The following IFT88 variants were observed in gnomAD, a reference collection of about 807,000 sequenced individuals.
The protein encoded by IFT88 is intraflagellar transport 88, also known as intraflagellar transport protein 88 homolog.
A neutral mutation model predicts 119.5 loss-of-function variants in IFT88; 74 were observed. The observed-to-expected ratio is 0.62, with a 90% CI of 0.51 to 0.75. The LOEUF (loss-of-function observed/expected upper bound fraction) is 0.75, where lower values mean the gene tolerates loss of function less well. IFT88 is among the 30% of genes least tolerant of loss of function. IFT88 has a pLI of 0.00. For synonymous variants in IFT88, 279 were observed against 316.7 expected (o/e 0.88, Z 1.26); for missense variants, 961 against 977.7 (o/e 0.98, Z 0.23).
At position 20,641,463 on chromosome 13, in the gene IFT88, A is replaced by T. The variant is rs554397102; in HGVS notation, c.1682+65A>T. The T allele has an allele frequency of 2.2e-5, 21 of 959,130 alleles. No homozygotes were observed. In the African/African-American group the frequency reaches 3.2e-4, roughly 15 times the overall value. The allele number at this position is 959,130 out of a possible 1,614,324, so 59.4% of individuals were successfully genotyped here. A position where few individuals can be genotyped will look rare whatever the true frequency, so the allele number is the denominator to read the frequency against. On this transcript the variant is annotated intron_variant, in intron 18 of 25. Coordinates refer to ENST00000351808, the MANE Select transcript of IFT88 (RefSeq NM_006531.5). ...CTCAATTGGTGATTGAAGATCAATT[A>T]TTAAATAAGTTTAACTAATGAAGTA...
chr13:20,680,512 G>A (rs2057199997), intron 24 of IFT88, among the ~76,000 whole-genome samples: 2 of 152,162 alleles, frequency 1.3e-5, no homozygotes, highest in Admixed American at 6.5e-5. Flanking sequence ...TACTCATGGC[G>A]ATGGTGAGCA....
At chr13:20,581,343 T>C (rs1284390059) in intron 2 of IFT88, among the ~76,000 whole-genome samples, 1 of 152,212 alleles carries the variant, frequency 6.6e-6, no homozygotes, top group Non-Finnish European at 1.5e-5. Flanking sequence ...TTGTTGACTG[T>C]CCTTTTTAGT....
intron 22 of IFT88, among the ~76,000 whole-genome samples, chr13:20,659,459 A>T (rs1437592910): frequency 6.6e-6 from 1 of 151,618 alleles, no homozygotes; most frequent in Non-Finnish European, 1.5e-5. Context: ...GTGCCAGTGC[A>T]CTCCAGCCTG....
chr13:20,591,746 A>G (rs756746458), intron 6 of IFT88, 65 bp downstream of exon 6: 2 of 1,031,374 alleles, frequency 1.9e-6, no homozygotes, highest in Non-Finnish European at 2.9e-6. Flanking sequence ...ATTTTGTGAT[A>G]TAAATATTAC....
intron 2 of IFT88, among the ~76,000 whole-genome samples, chr13:20,579,316 T>C (rs971125236): frequency 6.6e-5 from 10 of 152,184 alleles, no homozygotes; most frequent in Admixed American, 2.6e-4. Flanking sequence ...AGAAATTTGC[T>C]TGGTGCTCTA....
At chr13:20,584,464 A>G (rs1053366087) in intron 3 of IFT88, among the ~76,000 whole-genome samples, 3 of 152,278 alleles carry the variant, frequency 2.0e-5, no homozygotes, top group Admixed American at 6.5e-5. Context: ...TTGCTTTTCT[A>G]ATTTTTAAAG....
intron 1 of IFT88, chr13:20,568,103 G>C: frequency 1.5e-6 from 1 of 677,744 alleles, no homozygotes; most frequent in Non-Finnish European, 2.7e-6. Flanking sequence ...TGTGCCACGT[G>C]CGGGCCGGGG....
Position 20,643,511 on chromosome 13 carries a change from G to A in IFT88, c.1739G>A (p.Ser580Asn), listed in dbSNP as rs752051994. Residue 580 changes from serine (S) to asparagine (N), a missense_variant, in exon 19 of 26, where the codon AGT becomes AAT. By Grantham distance (46) the Ser-to-Asn change is conservative. Transcript: ENST00000351808. ...QAIEWLMQVV[S>N]VIPTDPQVLS... Reference sequence around the variant, plus strand: ...ATTGAATGGCTAATGCAGGTGGTCAGTGTTATTCCAACCGATCCTCAAGTT... The same window carrying A: ...ATTGAATGGCTAATGCAGGTGGTCAATGTTATTCCAACCGATCCTCAAGTT... 1 of 1,612,922 alleles carries A rather than the reference G, an allele frequency of 6.2e-7. No individual in the cohort carries two copies. The highest frequency in any genetic ancestry group is 1.3e-5 in the African/African-American group (1 of 75,030).
In IFT88 at chr13:20,671,011, T is replaced by C. The variant is rs760045693; in HGVS notation, c.2214T>C (p.Arg738=). Residue 738 remains arginine (R), a synonymous_variant, in exon 24 of 26, where the codon CGT becomes CGC. Transcript: ENST00000351808. ...KSGRDGSGGS[R]GKREGSASGD... ...GCAGAGATGGCAGTGGGGGCTCCCG[T>C]GGCAAAAGAGAAGGAAGTGCTAGCG... is the stretch of plus-strand genomic sequence containing the variant. 6.2e-6 allele frequency: 10 copies of C among 1,613,946 alleles called. No individual in the cohort carries two copies. The African/African-American group carries it at 1.3e-4, about 22-fold the overall frequency.
intron 7 of IFT88, 30 bp downstream of exon 7, chr13:20,592,434 G>A: frequency 1.3e-6 from 2 of 1,493,604 alleles, no homozygotes. Flanking sequence ...GTTGTTTGTT[G>A]TTGTTGCTGC....
Position 20,576,178 on chromosome 13 carries a change from A to G in IFT88, c.90+1703A>G, listed in dbSNP as rs116848828. Reference sequence around the variant, plus strand: ...CCATTTGTATGTCTTCTTTTTAGAAATATCTATTCAGATCTTTTGCCCATT... The same window carrying G: ...CCATTTGTATGTCTTCTTTTTAGAAGTATCTATTCAGATCTTTTGCCCATT... On this transcript the variant is annotated intron_variant, in intron 2 of 25. Transcript: ENST00000351808. Among the ~76,000 whole-genome samples the G allele has an allele frequency of 4.8e-3, 732 of 152,286 alleles. 4 individuals are homozygous for G. Among genetic ancestry groups the G allele is most frequent in the Non-Finnish European group, 8.5e-3 (576 of 68,014 alleles).
At position 20,609,127 on chromosome 13, in the gene IFT88, G is replaced by A. The variant is rs777433919; in HGVS notation, c.1112+4022G>A. On this transcript the variant is annotated intron_variant, in intron 13 of 25. Transcript: ENST00000351808. ...AGCCTCGATCCCCATTACCCTATGC[G>A]TTAGGACTGGCTTATGGGTCAAAAA... 3.9e-5 allele frequency among the ~76,000 whole-genome samples: 6 copies of A among 152,190 alleles called. No homozygotes were observed. In the South Asian group the frequency reaches 6.2e-4, roughly 16 times the overall value.
At chr13:20,648,397 A>G (rs192062305) in intron 20 of IFT88, among the ~76,000 whole-genome samples, 5 of 152,332 alleles carry the variant, frequency 3.3e-5, no homozygotes, top group Non-Finnish European at 5.9e-5. Flanking sequence ...CTCCATCTCA[A>G]TAAGTAAATA....
chr13:20,678,119 T>C (rs4770066), intron 24 of IFT88, among the ~76,000 whole-genome samples: 150,607 of 152,344 alleles, frequency 0.99, 74,466 homozygotes, highest in East Asian at 1. Flanking sequence ...CTGTTAGAGG[T>C]AAAAGTCAGA....
intron 16 of IFT88, among the ~76,000 whole-genome samples, chr13:20,633,361 GCCAGC>G (rs1329028691): frequency 6.6e-6 from 1 of 152,056 alleles, no homozygotes; most frequent in African/African-American, 2.4e-5. Context: ...CCCCACCCCA[GCCAGC>G]CATTGGATGT....
rs898653472 is a variant in IFT88 at position 20,649,093 on chromosome 13, T to C, written c.1949+4135T>C. Among the ~76,000 whole-genome samples, 4 of 152,170 alleles carry C rather than the reference T, an allele frequency of 2.6e-5. No homozygotes were observed. In the East Asian group the frequency reaches 7.7e-4, roughly 29 times the overall value. Reference sequence around the variant, plus strand: ...GAGACTTAATACTTTTAAAAATGTGTGTTACCGTCTGTGAACCTCACACGG... The same window carrying C: ...GAGACTTAATACTTTTAAAAATGTGCGTTACCGTCTGTGAACCTCACACGG... On this transcript the variant is annotated intron_variant, in intron 20 of 25. Transcript: ENST00000351808.
intron 1 of IFT88, among the ~76,000 whole-genome samples, chr13:20,572,744 C>G (rs753828953): frequency 3.9e-5 from 6 of 152,116 alleles, no homozygotes; most frequent in Admixed American, 6.6e-5. Context: ...TATCATCACC[C>G]CAGAAAATTC....
At chr13:20,629,010 A>G (rs1007729980) in intron 15 of IFT88, among the ~76,000 whole-genome samples, 6 of 152,140 alleles carry the variant, frequency 3.9e-5, no homozygotes, top group African/African-American at 1.4e-4. Flanking sequence ...TTTTTAAAAA[A>G]AAATTGTTGT....
In IFT88 at chr13:20,614,817, C is replaced by CTTTTT. The variant is rs762297940; in HGVS notation, c.1113-964_1113-960dup. Among the ~76,000 whole-genome samples, 17 of 125,856 alleles carry CTTTTT rather than the reference C, an allele frequency of 1.4e-4. 2 individuals carry two copies. The highest frequency in any genetic ancestry group is 0.01 in the Middle Eastern group (2 of 198). The allele number at this position is 125,856 out of a possible 152,430, so 82.6% of individuals were successfully genotyped here. A position where few individuals can be genotyped will look rare whatever the true frequency, so the allele number is the denominator to read the frequency against. Reference sequence around the variant, plus strand: ...ATGATTTGGAAAGATTATTTCTTTTCTTTTTTTTTTTTTTTTGAGACGGAG... The same window carrying CTTTTT: ...ATGATTTGGAAAGATTATTTCTTTTCTTTTTTTTTTTTTTTTTTTTTGAGACGGAG... On this transcript the variant is annotated intron_variant, in intron 13 of 25. Transcript: ENST00000351808.
Sources: allele counts gnomAD v4.1 joint callset (sites outside exome capture counted in the v4.1 genomes callset), GRCh38; gene constraint gnomAD v4.1.1; transcripts MANE v1.5; gene names NCBI Gene and HGNC (gene_info 2026-07-23, HGNC 2026-07-21).